The following EYS variants were observed in gnomAD, a reference collection of about 807,000 sequenced individuals.
EYS encodes EGF-like photoreceptor maintenance factor, also known as protein eyes shut homolog.
A neutral mutation model predicts 282.1 loss-of-function variants in EYS; 250 were observed. The ratio of observed to expected loss-of-function variants is 0.89; its 90% CI spans 0.80 to 0.98. The LOEUF is 0.98. Among genes scored for constraint, EYS ranks in the 50% least tolerant of loss-of-function variants. The pLI, the probability that EYS is intolerant of heterozygous loss-of-function variation, is 0.00. For synonymous variants in EYS, 1,355 were observed against 1,282.9 expected (o/e 1.06, Z -1.20); for missense variants, 4,016 against 3,709.0 (o/e 1.08, Z -2.15).
intron 5 of EYS, among the ~76,000 whole-genome samples, chr6:65,415,762 G>A (rs1351498293): frequency 6.6e-6 from 1 of 152,050 alleles, no homozygotes; most frequent in Admixed American, 6.6e-5. Flanking sequence ...TCTAATGAAA[G>A]GGGTGGAAGT....
At chr6:65,139,474 T>C (rs1370317373) in intron 12 of EYS, among the ~76,000 whole-genome samples, 2 of 152,084 alleles carry the variant, frequency 1.3e-5, no homozygotes, top group Middle Eastern at 3.4e-3. Flanking sequence ...AAAAACCTAC[T>C]CATGGGGTAG....
chr6:64,024,698 G>A (rs770664324), intron 33 of EYS, among the ~76,000 whole-genome samples: 5 of 151,942 alleles, frequency 3.3e-5, no homozygotes, highest in South Asian at 2.1e-4. Flanking sequence ...CGAACTCACC[G>A]GGAGGAATGA....
intron 13 of EYS, among the ~76,000 whole-genome samples, chr6:65,016,829 A>G (rs1203542364): frequency 6.6e-6 from 1 of 152,212 alleles, no homozygotes; most frequent in African/African-American, 2.4e-5. Context: ...CTCATTATTC[A>G]TATACTAAAG....
intron 40 of EYS, among the ~76,000 whole-genome samples, chr6:63,764,866 T>C (rs1769745137): frequency 6.6e-6 from 1 of 152,014 alleles, no homozygotes; most frequent in South Asian, 2.1e-4. Context: ...ATGAGAATGA[T>C]TTTGTGCAAG....
rs557169089 is a variant in EYS, at chr6:65,405,381, C to T, written c.863-14G>A. 2 of 1,482,894 alleles carry T rather than the reference C, an allele frequency of 1.3e-6. No individual in the cohort carries two copies. The highest frequency in any genetic ancestry group is 1.6e-5 in the African/African-American group (1 of 63,832). 91.9% of individuals were successfully genotyped at this position (1,482,894 alleles called of 1,614,324 possible). On this transcript the variant is annotated splice_polypyrimidine_tract_variant and intron_variant, in intron 5 of 42. Transcript: ENST00000503581. ...CACAGAATGGACCTTAAAAAAATCACACACAAGAAAAAAAAAGAAAAGGAA... is the reference window on the plus strand; with the variant it reads ...CACAGAATGGACCTTAAAAAAATCATACACAAGAAAAAAAAAGAAAAGGAA...
intron 14 of EYS, among the ~76,000 whole-genome samples, chr6:64,991,315 A>G (rs898191015): frequency 2.6e-5 from 4 of 151,584 alleles, no homozygotes; most frequent in African/African-American, 9.7e-5. Context: ...ATGACCAAAA[A>G]ACTTTATTTT....
chr6:63,934,930 C>G (rs1227348259), intron 35 of EYS, among the ~76,000 whole-genome samples: 2 of 151,990 alleles, frequency 1.3e-5, no homozygotes, highest in African/African-American at 2.4e-5. Flanking sequence ...ATAAAAATAA[C>G]AACAACAAAA....
chr6:65,668,505 A>G (rs1235882117), intron 1 of EYS, among the ~76,000 whole-genome samples: 1 of 151,872 alleles, frequency 6.6e-6, no homozygotes, highest in African/African-American at 2.4e-5. Flanking sequence ...CTCTACAATG[A>G]CAGGATCATT....
intron 2 of EYS, among the ~76,000 whole-genome samples, chr6:65,621,125 G>T (rs777538749): frequency 2.6e-5 from 4 of 152,050 alleles, no homozygotes; most frequent in African/African-American, 9.7e-5. Flanking sequence ...TTTCTGTCTC[G>T]TTGATCTGTC....
intron 29 of EYS, among the ~76,000 whole-genome samples, chr6:64,378,601 A>C (rs1040719484): frequency 3.9e-5 from 6 of 152,182 alleles, no homozygotes; most frequent in African/African-American, 1.4e-4. Flanking sequence ...ACAGTTATTA[A>C]GTGTTAAATG....
chr6:64,749,433 C>T (rs1002481013), intron 22 of EYS, among the ~76,000 whole-genome samples: 2 of 152,086 alleles, frequency 1.3e-5, no homozygotes, highest in Non-Finnish European at 2.9e-5. Context: ...CAGATTAGGG[C>T]CCACTTGTTT....
intron 1 of EYS, among the ~76,000 whole-genome samples, chr6:65,659,374 A>C (rs1276041296): frequency 1.3e-5 from 2 of 151,746 alleles, no homozygotes; most frequent in Admixed American, 6.6e-5. Flanking sequence ...CACTTTATGA[A>C]GGAAAACCGT....
At chr6:63,839,188 C>T (rs747391706) in intron 36 of EYS, among the ~76,000 whole-genome samples, 50 of 152,130 alleles carry the variant, frequency 3.3e-4, no homozygotes, top group Non-Finnish European at 5.6e-4. Context: ...CTTTTGTATC[C>T]ATTAACTAAC....
At chr6:65,667,961 A>G (rs1168466491) in intron 1 of EYS, among the ~76,000 whole-genome samples, 2 of 151,906 alleles carry the variant, frequency 1.3e-5, no homozygotes. Flanking sequence ...TATGTATTGT[A>G]CAACAGCAAC....
At chr6:64,687,179 A>T (rs1306048835) in intron 22 of EYS, among the ~76,000 whole-genome samples, 1 of 151,904 alleles carries the variant, frequency 6.6e-6, no homozygotes, top group Non-Finnish European at 1.5e-5. Flanking sequence ...AACACATTCC[A>T]AGTAACATTA....
At chr6:63,894,594 T>C (rs1773488625) in intron 35 of EYS, among the ~76,000 whole-genome samples, 1 of 151,878 alleles carries the variant, frequency 6.6e-6, no homozygotes, top group African/African-American at 2.4e-5. Context: ...TGTTTGTTTT[T>C]TTTTTGAGAT....
chr6:65,429,519 C>T (rs778547512), intron 5 of EYS, among the ~76,000 whole-genome samples: 1 of 152,134 alleles, frequency 6.6e-6, no homozygotes, highest in African/African-American at 2.4e-5. Flanking sequence ...CTGAGCCCTA[C>T]CATAGTGGCT....
intron 31 of EYS, among the ~76,000 whole-genome samples, chr6:64,093,807 G>T (rs139626943): frequency 6.6e-6 from 1 of 152,102 alleles, no homozygotes; most frequent in Non-Finnish European, 1.5e-5. Flanking sequence ...TAGGAGTGGC[G>T]AGAGAGGTCA....
chr6:64,727,011 C>T (rs952462085), intron 22 of EYS, among the ~76,000 whole-genome samples: 1 of 152,130 alleles, frequency 6.6e-6, no homozygotes, highest in Non-Finnish European at 1.5e-5. Flanking sequence ...AATCCTGTCA[C>T]CGAATGGTGA....
Sources: gnomAD v4.1 joint callset for allele counts (sites outside exome capture counted in the v4.1 genomes callset) on GRCh38, gnomAD v4.1.1 for gene constraint, MANE v1.5 for transcripts, NCBI Gene and HGNC (gene_info 2026-07-23, HGNC 2026-07-21) for gene names.